The following TRDN variants were observed in gnomAD, a reference collection of about 807,000 sequenced individuals.
TRDN encodes triadin.
A neutral mutation model predicts 149.7 loss-of-function variants in TRDN; 161 were observed. The observed-to-expected ratio is 1.08, with a 90% CI of 0.95 to 1.23. TRDN has a LOEUF of 1.23. TRDN is among the 50% of genes most tolerant of loss of function. The pLI, the probability that TRDN is intolerant of heterozygous loss-of-function variation, is 0.00. For missense variants in TRDN, 896 were observed against 823.5 expected (o/e 1.09, Z -1.08); for synonymous variants, 294 against 250.5 (o/e 1.17, Z -1.64).
At chr6:123,627,742 C>A (rs911106801) in intron 1 of TRDN, among the ~76,000 whole-genome samples, 1 of 152,166 alleles carries the variant, frequency 6.6e-6, no homozygotes, top group South Asian at 2.1e-4. Flanking sequence ...TGTTGTTTAG[C>A]GTAGCCACCT....
chr6:123,532,478 C>A (rs982481992), intron 4 of TRDN, among the ~76,000 whole-genome samples: 28 of 152,036 alleles, frequency 1.8e-4, no homozygotes, highest in African/African-American at 6.5e-4. Context: ...TAAAAACAGG[C>A]CTGAGATTGC....
chr6:123,406,755 G>C (rs1773208512), intron 12 of TRDN, among the ~76,000 whole-genome samples: 1 of 152,048 alleles, frequency 6.6e-6, no homozygotes, highest in Non-Finnish European at 1.5e-5. Flanking sequence ...CAAATTTATA[G>C]AAAATCCTAT....
At chr6:123,291,403 A>C (rs889141919) in intron 24 of TRDN, among the ~76,000 whole-genome samples, 12 of 151,988 alleles carry the variant, frequency 7.9e-5, no homozygotes, top group African/African-American at 1.2e-4. Context: ...TCTCTACTAA[A>C]AAATACAAAA....
intron 5 of TRDN, among the ~76,000 whole-genome samples, chr6:123,526,278 G>T (rs920039244): frequency 2.0e-5 from 3 of 152,134 alleles, no homozygotes; most frequent in Non-Finnish European, 4.4e-5. Context: ...GAAGAGAACA[G>T]AGATGGTATC....
rs148180593 is a variant in TRDN at position 123,269,958 on chromosome 6, T to G, written c.1721-92A>C. 1.2e-3 allele frequency: 1,532 copies of G among 1,269,490 alleles called. 11 individuals carry two copies. In the African/African-American group the frequency reaches 0.021, roughly 17 times the overall value. 78.6% of individuals were successfully genotyped at this position (1,269,490 alleles called of 1,614,324 possible). A position where few individuals can be genotyped will look rare whatever the true frequency, so the allele number is the denominator to read the frequency against. On this transcript the variant is annotated intron_variant, in intron 30 of 40. Coordinates refer to ENST00000334268, the MANE Select transcript of TRDN (RefSeq NM_006073.4). The stretch of plus-strand genomic sequence containing the variant: ...AGTATTTGTATTTACTTATTCTTAG[T>G]TTTAGGTCACCTCCTTAGCTTAAAC...
intron 27 of TRDN, among the ~76,000 whole-genome samples, chr6:123,274,252 G>A (rs1291053346): frequency 6.6e-6 from 1 of 151,778 alleles, no homozygotes; most frequent in Non-Finnish European, 1.5e-5. Context: ...AACCACAATA[G>A]TCTATAACTT....
In TRDN at chr6:123,315,274, C is replaced by T. The variant is rs565560393; in HGVS notation, c.1510+1183G>A. On this transcript the variant is annotated intron_variant, in intron 24 of 40. Coordinates refer to ENST00000334268, the MANE Select transcript of TRDN (RefSeq NM_006073.4). ...AGATATATCTAAAGTTTATTTGTAA[C>T]TTTTGATGTAAACACTCAATATAAC... 1.1e-3 allele frequency among the ~76,000 whole-genome samples: 166 copies of T among 151,946 alleles called. 2 individuals are homozygous for T. Among genetic ancestry groups the T allele is most frequent in the Admixed American group, 2.2e-3 (34 of 15,192 alleles).
At chr6:123,418,190 G>A (rs899868843) in intron 12 of TRDN, among the ~76,000 whole-genome samples, 1 of 152,124 alleles carries the variant, frequency 6.6e-6, no homozygotes, top group African/African-American at 2.4e-5. Context: ...ATACACACCA[G>A]CTGGCAAGGA....
rs189540987 is a variant in TRDN, at chr6:123,587,765, G to T, written c.23-16633C>A. Among the ~76,000 whole-genome samples the T allele has an allele frequency of 8.0e-5, 12 of 150,868 alleles. 1 individual carries two copies. The South Asian group carries it at 2.1e-3, about 26-fold the overall frequency. On this transcript the variant is annotated intron_variant, in intron 1 of 40. Transcript: ENST00000334268. Reference sequence around the variant, plus strand: ...AGGATTTGGGTAGGTAAAGCAAAAGGGGGGGTTGTTCTCTGGCAGGCAGGA... The same window carrying T: ...AGGATTTGGGTAGGTAAAGCAAAAGTGGGGGTTGTTCTCTGGCAGGCAGGA...
At chr6:123,320,572 C>T (rs1779205871) in intron 23 of TRDN, among the ~76,000 whole-genome samples, 1 of 151,988 alleles carries the variant, frequency 6.6e-6, no homozygotes, top group Non-Finnish European at 1.5e-5. Context: ...TAAATATATA[C>T]TCCCTAGTAA....
At chr6:123,449,982 A>C (rs1370779999) in intron 10 of TRDN, among the ~76,000 whole-genome samples, 1 of 152,188 alleles carries the variant, frequency 6.6e-6, no homozygotes, top group Non-Finnish European at 1.5e-5. Context: ...ATCATATATG[A>C]AGGAAAGATG....
At chr6:123,618,859 TCTC>T (rs1471073683) in intron 1 of TRDN, among the ~76,000 whole-genome samples, 5 of 152,150 alleles carry the variant, frequency 3.3e-5, no homozygotes, top group Non-Finnish European at 5.9e-5. Flanking sequence ...TTCTCCCCTC[TCTC>T]CTCCTCTTCT....
chr6:123,436,386 AT>A lies in TRDN; in HGVS notation c.1051+1676del, dbSNP rs558180502. 1.0e-3 allele frequency among the ~76,000 whole-genome samples: 153 copies of A among 152,252 alleles called. 1 individual carries two copies. Among genetic ancestry groups the A allele is most frequent in the African/African-American group, 3.4e-3 (143 of 41,550 alleles). On this transcript the variant is annotated intron_variant, in intron 12 of 40. Coordinates refer to ENST00000334268, the MANE Select transcript of TRDN (RefSeq NM_006073.4). ...ATAATGGAAATTTGGATGCAAAGGAATGGGCAATCAACTCTTGGACACACAG... is the reference window on the plus strand; with the variant it reads ...ATAATGGAAATTTGGATGCAAAGGAAGGGCAATCAACTCTTGGACACACAG...
At chr6:123,629,240 G>A (rs1785838615) in intron 1 of TRDN, among the ~76,000 whole-genome samples, 1 of 152,026 alleles carries the variant, frequency 6.6e-6, no homozygotes, top group Admixed American at 6.6e-5. Flanking sequence ...AATTTTCCAA[G>A]GAAAGTTTGC....
At chr6:123,457,700 A>T (rs542956651) in intron 10 of TRDN, 1 of 306,378 alleles carries the variant, frequency 3.3e-6, no homozygotes, top group South Asian at 3.2e-5. Flanking sequence ...TAACTGAAAG[A>T]TACCTATGTT....
intron 12 of TRDN, among the ~76,000 whole-genome samples, chr6:123,429,989 G>C (rs1394491543): frequency 2.6e-5 from 4 of 152,100 alleles, no homozygotes; most frequent in Admixed American, 2.6e-4. Flanking sequence ...ATAATACAAG[G>C]CTGGGTGCAG....
chr6:123,317,622 G>T (rs1023097586), intron 23 of TRDN, among the ~76,000 whole-genome samples: 2 of 151,760 alleles, frequency 1.3e-5, no homozygotes, highest in South Asian at 2.1e-4. Flanking sequence ...CACTTAGCTT[G>T]GTAGATACAC....
intron 4 of TRDN, among the ~76,000 whole-genome samples, chr6:123,535,868 T>C (rs914844992): frequency 6.6e-6 from 1 of 152,154 alleles, no homozygotes; most frequent in East Asian, 1.9e-4. Context: ...TAAAATATCA[T>C]GCATTTTGAT....
chr6:123,605,034 G>A (rs1784461074), intron 1 of TRDN, among the ~76,000 whole-genome samples: 1 of 151,762 alleles, frequency 6.6e-6, no homozygotes, highest in Admixed American at 6.6e-5. Flanking sequence ...GTGTGCACAA[G>A]CAGATGTGAT....
Sources: allele counts gnomAD v4.1 joint callset (sites outside exome capture counted in the v4.1 genomes callset), GRCh38; gene constraint gnomAD v4.1.1; transcripts MANE v1.5; gene names NCBI Gene and HGNC (gene_info 2026-07-23, HGNC 2026-07-21).